Variants in OBI1 observed in about 807,000 individuals in gnomAD.
OBI1 encodes ORC ubiquitin ligase 1.
In OBI1, 59 loss-of-function variants were observed where a neutral mutation model predicts 62.4. The ratio of observed to expected loss-of-function variants is 0.95; its 90% CI spans 0.77 to 1.17. The LOEUF is 1.17. Ranked by LOEUF, OBI1 falls within the 50% of genes most tolerant of loss-of-function variation. OBI1 has a pLI of 0.00. For missense variants in OBI1, 875 were observed against 830.9 expected (o/e 1.05, Z -0.65); for synonymous variants, 302 against 292.8 (o/e 1.03, Z -0.32).
At chr13:78,620,778 A>C in intron 5 of OBI1, 1 of 389,524 alleles carries the variant, frequency 2.6e-6, no homozygotes, top group South Asian at 1.9e-5. Flanking sequence ...TCCTAAGACC[A>C]TATTTTCTCA....
At chr13:78,617,339 A>AT (rs759560482) in intron 5 of OBI1, 94 of 423,044 alleles carry the variant, frequency 2.2e-4, no homozygotes, top group Admixed American at 1.3e-3. Flanking sequence ...ACCTAATAGG[A>AT]TATTTTTGTG....
Position 78,615,780 on chromosome 13 carries a change from G to T in OBI1, c.1981C>A (p.Arg661=), listed in dbSNP as rs770889443. ...CCAAATCTTTGATCTTCAAATAGTC[G>T]ATGTGAACTGCTTAACAAAATGCCC... ...SQGILLSSSH[R]LFEDQRFGSS... The change falls in exon 6 of 6, where the codon CGA becomes AGA. Residue 661 remains arginine, a synonymous_variant. Transcript: ENST00000282003. 1 of 1,613,706 alleles carries T rather than the reference G, an allele frequency of 6.2e-7. No individual in the cohort carries two copies. Among genetic ancestry groups the T allele is most frequent in the African/African-American group, 1.3e-5 (1 of 74,868 alleles).
chr13:78,622,287 A>AT (rs1184333722), intron 5 of OBI1, among the ~76,000 whole-genome samples: 1 of 152,136 alleles, frequency 6.6e-6, no homozygotes, highest in Non-Finnish European at 1.5e-5. Context: ...TCCAAAAAAA[A>AT]AAATATATAT....
chr13:78,626,480 A>G (rs1875670195), intron 5 of OBI1, among the ~76,000 whole-genome samples: 1 of 152,226 alleles, frequency 6.6e-6, no homozygotes, highest in African/African-American at 2.4e-5. Flanking sequence ...AACAGGGTAG[A>G]AGAAGAGTAA....
intron 5 of OBI1, among the ~76,000 whole-genome samples, chr13:78,634,465 T>G (rs972725071): frequency 1.3e-5 from 2 of 151,908 alleles, no homozygotes; most frequent in Non-Finnish European, 2.9e-5. Flanking sequence ...CAGCTAACTT[T>G]TTTGTATTTT....
In OBI1 at chr13:78,646,962, T is replaced by C. The variant is rs1029913205; in HGVS notation, c.73-1965A>G. Among the ~76,000 whole-genome samples, 17 of 152,220 alleles carry C rather than the reference T, an allele frequency of 1.1e-4. 1 individual carries two copies. Among genetic ancestry groups the C allele is most frequent in the African/African-American group, 4.1e-4 (17 of 41,462 alleles). Reference sequence around the variant, plus strand: ...TGTGCTCACAGAAACATGTGTTGCATGGAATCAAGATTTAAGGGATCTAGG... The same window carrying C: ...TGTGCTCACAGAAACATGTGTTGCACGGAATCAAGATTTAAGGGATCTAGG... On this transcript the variant is annotated intron_variant, in intron 1 of 5. Coordinates refer to ENST00000282003, the MANE Select transcript of OBI1 (RefSeq NM_024546.4).
intron 1 of OBI1, among the ~76,000 whole-genome samples, chr13:78,651,866 A>G (rs192245936): frequency 1.1e-3 from 161 of 152,302 alleles, no homozygotes; most frequent in African/African-American, 3.7e-3. Flanking sequence ...AAGATTAATA[A>G]AAGTGAATTT....
intron 5 of OBI1, among the ~76,000 whole-genome samples, chr13:78,617,872 A>ACTGT (rs1875366359): frequency 6.6e-6 from 1 of 152,322 alleles, no homozygotes; most frequent in South Asian, 2.1e-4. Context: ...CTGAAAGAGA[A>ACTGT]CATTTTGGAG....
intron 5 of OBI1, among the ~76,000 whole-genome samples, chr13:78,634,451 C>A (rs773411229): frequency 1.3e-5 from 2 of 151,962 alleles, no homozygotes; most frequent in African/African-American, 4.8e-5. Flanking sequence ...CCCAACACCA[C>A]GCACAGCTAA....
chr13:78,650,994 G>A (rs1391026145), intron 1 of OBI1, among the ~76,000 whole-genome samples: 2 of 152,032 alleles, frequency 1.3e-5, no homozygotes, highest in Non-Finnish European at 2.9e-5. Flanking sequence ...TATACATTAA[G>A]TCTAAGAAGC....
chr13:78,620,448 T>G (rs995797491), intron 5 of OBI1, among the ~76,000 whole-genome samples: 1 of 152,354 alleles, frequency 6.6e-6, no homozygotes, highest in African/African-American at 2.4e-5. Flanking sequence ...CCAAAAGGCT[T>G]TGATTTTCAA....
chr13:78,622,519 T>A (rs1875544570), intron 5 of OBI1, among the ~76,000 whole-genome samples: 1 of 152,242 alleles, frequency 6.6e-6, no homozygotes, highest in South Asian at 2.1e-4. Flanking sequence ...TATTGTGGAC[T>A]TGCCTGTCTA....
chr13:78,639,027 A>G lies in OBI1; in HGVS notation c.345T>C (p.Ser115=), dbSNP rs764265782. The change falls in exon 4 of 6, where the codon AGT becomes AGC. Residue 115 remains serine, a synonymous_variant. Transcript: ENST00000282003. ...TCTGTGACTCCAAGCTGAGATTTTT[A>G]CTCTTAAGCTCTTCTACTTCTTTCT... The part of the protein sequence containing the change: ...CLQKEVEELK[S]KNLSLESQIK... 3.1e-6 allele frequency: 5 copies of G among 1,613,642 alleles called. No homozygotes were observed. The highest frequency in any genetic ancestry group is 2.5e-6 in the Non-Finnish European group (3 of 1,179,802).
At chr13:78,654,999 T>G (rs1022027672) in intron 1 of OBI1, among the ~76,000 whole-genome samples, 2 of 152,218 alleles carry the variant, frequency 1.3e-5, no homozygotes, top group African/African-American at 4.8e-5. Flanking sequence ...ACTGGACTCA[T>G]AGTCGAATGA....
Position 78,615,655 on chromosome 13 carries a change from A to AT in OBI1, c.2105dup (p.Asn702LysfsTer24). On this transcript the variant is annotated frameshift_variant, in exon 6 of 6. Transcript: ENST00000282003. LOFTEE classifies it high-confidence loss of function. ...TTTTTCTTTTTGTTGATTGATTCAC[A>AT]TTTTTATTCCTCTTTTCAGGCACAA... 2 of 1,613,908 alleles carry AT rather than the reference A, an allele frequency of 1.2e-6. No individual in the cohort carries two copies. The highest frequency in any genetic ancestry group is 1.7e-6 in the Non-Finnish European group (2 of 1,179,946).
At chr13:78,617,615 T>A (rs1051413706) in intron 5 of OBI1, among the ~76,000 whole-genome samples, 1 of 152,214 alleles carries the variant, frequency 6.6e-6, no homozygotes, top group Non-Finnish European at 1.5e-5. Context: ...AATTCAGAAA[T>A]CTTAGCAGTC....
At chr13:78,651,292 T>G (rs1230200886) in intron 1 of OBI1, among the ~76,000 whole-genome samples, 1 of 152,228 alleles carries the variant, frequency 6.6e-6, no homozygotes, top group African/African-American at 2.4e-5. Flanking sequence ...AGTACATCTT[T>G]CACAATGATG....
chr13:78,620,535 G>T, intron 5 of OBI1: 1 of 444,872 alleles, frequency 2.2e-6, no homozygotes, highest in South Asian at 1.6e-5. Context: ...AATTGATATC[G>T]GAACTGTATT....
chr13:78,630,811 G>C (rs1875822799), intron 5 of OBI1, among the ~76,000 whole-genome samples: 2 of 152,122 alleles, frequency 1.3e-5, no homozygotes, highest in Admixed American at 1.3e-4. Context: ...AAGCCAATCA[G>C]TTTAGGGTAT....
Sources: gnomAD v4.1 joint callset for allele counts (sites outside exome capture counted in the v4.1 genomes callset) on GRCh38, gnomAD v4.1.1 for gene constraint, MANE v1.5 for transcripts, NCBI Gene and HGNC (gene_info 2026-07-23, HGNC 2026-07-21) for gene names.